Variants in HECW2 observed in about 807,000 individuals in gnomAD.
HECW2 encodes the protein E3 ubiquitin-protein ligase HECW2.
In HECW2, 61 loss-of-function variants were observed where a neutral mutation model predicts 175.2. That is an observed-to-expected ratio of 0.35 (90% CI 0.28 to 0.43). The LOEUF (loss-of-function observed/expected upper bound fraction) is 0.43. Among genes scored for constraint, HECW2 ranks in the 20% least tolerant of loss-of-function variants. HECW2 has a pLI of 1.00. For synonymous variants in HECW2, 671 were observed against 731.0 expected (o/e 0.92, Z 1.32); for missense variants, 1,524 against 2,000.5 (o/e 0.76, Z 4.54).
intron 28 of HECW2, 60 bp from the exon 29 acceptor site, chr2:196,201,448 T>G (rs954656405): frequency 3.7e-6 from 4 of 1,076,410 alleles, no homozygotes; most frequent in East Asian, 2.4e-5. Context: ...AAAATGTGTG[T>G]GGTGTGTGTG....
At chr2:196,415,995 C>T (rs935691323) in intron 2 of HECW2, among the ~76,000 whole-genome samples, 4 of 152,146 alleles carry the variant, frequency 2.6e-5, no homozygotes, top group Admixed American at 2.6e-4. Context: ...GTTGTAATTT[C>T]TCATAAAAAT....
chr2:196,404,819 C>CTTTTTT (rs71012909), intron 2 of HECW2, among the ~76,000 whole-genome samples: 2 of 80,376 alleles, frequency 2.5e-5, no homozygotes, highest in African/African-American at 5.4e-5. Context: ...TTTTTCTTCT[C>CTTTTTT]TTTTTTTTTT....
intron 21 of HECW2, among the ~76,000 whole-genome samples, chr2:196,229,203 G>A (rs1687959301): frequency 6.6e-6 from 1 of 152,118 alleles, no homozygotes; most frequent in South Asian, 2.1e-4. Flanking sequence ...AAGCTGGGGT[G>A]GAGGAGGGAT....
chr2:196,309,641 G>T (rs183664934), intron 10 of HECW2, among the ~76,000 whole-genome samples: 1 of 152,130 alleles, frequency 6.6e-6, no homozygotes, highest in Non-Finnish European at 1.5e-5. Context: ...CTTTCTCATC[G>T]GAGTCAGGGT....
At chr2:196,232,286 C>A (rs74917378) in intron 21 of HECW2, among the ~76,000 whole-genome samples, 11,973 of 152,212 alleles carry the variant, frequency 0.079, 978 homozygotes, top group African/African-American at 0.2. Context: ...TTAAGCTTTA[C>A]CTCTGAGTAT....
chr2:196,498,569 A>G (rs1687472794), intron 1 of HECW2, among the ~76,000 whole-genome samples: 1 of 152,198 alleles, frequency 6.6e-6, no homozygotes, highest in African/African-American at 2.4e-5. Flanking sequence ...GGAGGAATTT[A>G]GTTTACAATT....
At chr2:196,567,829 G>A (rs1378342072) in intron 1 of HECW2, among the ~76,000 whole-genome samples, 1 of 152,018 alleles carries the variant, frequency 6.6e-6, no homozygotes, top group African/African-American at 2.4e-5. Flanking sequence ...CTCCCTAATG[G>A]GAATTAAACT....
intron 1 of HECW2, among the ~76,000 whole-genome samples, chr2:196,511,762 A>G (rs1157470709): frequency 6.6e-6 from 1 of 152,212 alleles, no homozygotes; most frequent in East Asian, 1.9e-4. Context: ...CTTAAGGGGC[A>G]GGCAAACAAT....
At chr2:196,449,776 T>A (rs1696290021) in intron 1 of HECW2, among the ~76,000 whole-genome samples, 1 of 152,240 alleles carries the variant, frequency 6.6e-6, no homozygotes, top group Non-Finnish European at 1.5e-5. Flanking sequence ...TAACTGGTTG[T>A]AATTAGGAAA....
rs1342988063 is a variant in HECW2, at chr2:196,198,632, G to A, written c.*2645C>T. The A allele has an allele frequency of 6.6e-6, 1 of 152,204 alleles. No individual in the cohort carries two copies. The highest frequency in any genetic ancestry group is 1.5e-5 in the Non-Finnish European group (1 of 68,026). 9.4% of individuals were successfully genotyped at this position (152,204 alleles called of 1,614,324 possible). A position where few individuals can be genotyped will look rare whatever the true frequency, so the allele number is the denominator to read the frequency against. On this transcript the variant is annotated 3_prime_UTR_variant, in exon 29 of 29. Transcript: ENST00000644978. ...TGCATACATATATGATGTATTAAGA[G>A]TGTCTTCTATAGTATAAAGAGCATC...
At chr2:196,368,189 C>A (rs1693801705) in intron 2 of HECW2, among the ~76,000 whole-genome samples, 1 of 152,022 alleles carries the variant, frequency 6.6e-6, no homozygotes, top group Non-Finnish European at 1.5e-5. Flanking sequence ...TTTTTAGGAA[C>A]TTCCAAACTG....
chr2:196,464,654 A>G (rs1390425138), intron 1 of HECW2, among the ~76,000 whole-genome samples: 1 of 152,232 alleles, frequency 6.6e-6, no homozygotes, highest in Non-Finnish European at 1.5e-5. Context: ...GCAAAAGGTT[A>G]GTGTAATGAT....
intron 2 of HECW2, among the ~76,000 whole-genome samples, chr2:196,385,661 G>A (rs929396081): frequency 1.3e-5 from 2 of 152,204 alleles, no homozygotes; most frequent in Non-Finnish European, 2.9e-5. Context: ...AGCACATGGG[G>A]ACTGAAAATA....
At chr2:196,343,881 C>A in intron 2 of HECW2, 117 bp from the exon 3 acceptor site, 5 of 699,534 alleles carry the variant, frequency 7.1e-6, no homozygotes, top group Non-Finnish European at 1.2e-5. Context: ...ATATAATGCA[C>A]ATTATTCTTA....
intron 28 of HECW2, among the ~76,000 whole-genome samples, chr2:196,210,264 ATGTGTGTG>A (rs768741649): frequency 1.4e-5 from 2 of 139,274 alleles, no homozygotes; most frequent in African/African-American, 5.2e-5. Context: ...TTGTTTTAAA[ATGTGTGTG>A]TGTGTGTATG....
chr2:196,257,607 G>C (rs999960081), intron 18 of HECW2: 1 of 559,756 alleles, frequency 1.8e-6, no homozygotes, highest in Non-Finnish European at 3.2e-6. Context: ...TTGCCAGCAG[G>C]GTGAAAACAA....
intron 2 of HECW2, among the ~76,000 whole-genome samples, chr2:196,370,787 T>C (rs1253672210): frequency 6.6e-6 from 1 of 152,188 alleles, no homozygotes; most frequent in African/African-American, 2.4e-5. Context: ...CCAGCGTTGC[T>C]TTCTGCTGTG....
chr2:196,582,665 A>G (rs1690832156), intron 1 of HECW2, among the ~76,000 whole-genome samples: 1 of 152,146 alleles, frequency 6.6e-6, no homozygotes, highest in Non-Finnish European at 1.5e-5. Context: ...CAGGTATCAA[A>G]ACCACCTCAT....
At chr2:196,404,823 T>C (rs1325795039) in intron 2 of HECW2, among the ~76,000 whole-genome samples, 2 of 22,334 alleles carry the variant, frequency 9.0e-5, no homozygotes, top group Non-Finnish European at 2.7e-4. Context: ...TCTTCTCTTT[T>C]TTTTTTTTTT....
Sources: gnomAD v4.1 joint callset for allele counts (sites outside exome capture counted in the v4.1 genomes callset) on GRCh38, gnomAD v4.1.1 for gene constraint, MANE v1.5 for transcripts, NCBI Gene and HGNC (gene_info 2026-07-23, HGNC 2026-07-21) for gene names.